The following GLIPR1L2 variants were observed in gnomAD, a reference collection of about 807,000 sequenced individuals.
The protein encoded by GLIPR1L2 is GLIPR1-like protein 2.
Under a neutral mutation model 28.4 loss-of-function variants are expected in GLIPR1L2, and 21 were observed. The ratio of observed to expected loss-of-function variants is 0.74; its 90% CI spans 0.52 to 1.06. GLIPR1L2 has a LOEUF of 1.06. Among genes scored for constraint, GLIPR1L2 ranks in the 50% least tolerant of loss-of-function variants. GLIPR1L2 has a pLI of 0.00. For missense variants in GLIPR1L2, 476 were observed against 416.9 expected (o/e 1.14, Z -1.23); for synonymous variants, 145 against 139.3 (o/e 1.04, Z -0.29).
At chr12:75,403,432 T>A (rs528093160) in intron 1 of GLIPR1L2, among the ~76,000 whole-genome samples, 24 of 152,184 alleles carry the variant, frequency 1.6e-4, no homozygotes, top group Admixed American at 3.3e-4. Flanking sequence ...TGGCTTCTTA[T>A]AAGGTCTCCT....
At chr12:75,393,381 CAAAT>C (rs2045651274) in intron 1 of GLIPR1L2, among the ~76,000 whole-genome samples, 1 of 152,022 alleles carries the variant, frequency 6.6e-6, no homozygotes, top group Non-Finnish European at 1.5e-5. Flanking sequence ...CCATACCCAT[CAAAT>C]AATTACTTTA....
intron 3 of GLIPR1L2, among the ~76,000 whole-genome samples, chr12:75,416,651 A>T (rs918514768): frequency 6.6e-6 from 1 of 152,118 alleles, no homozygotes; most frequent in Non-Finnish European, 1.5e-5. Context: ...ATTAGATGAG[A>T]TGAAGGTATT....
At chr12:75,415,926 G>T (rs1302629095) in intron 3 of GLIPR1L2, among the ~76,000 whole-genome samples, 2 of 151,744 alleles carry the variant, frequency 1.3e-5, no homozygotes, top group African/African-American at 2.4e-5. Context: ...AAGGTCAGTG[G>T]TGCCTTATAA....
At chr12:75,398,483 T>A (rs950410509) in intron 1 of GLIPR1L2, among the ~76,000 whole-genome samples, 2 of 152,138 alleles carry the variant, frequency 1.3e-5, no homozygotes, top group African/African-American at 4.8e-5. Flanking sequence ...TATTAGAAGA[T>A]TGTGTCTTAG....
chr12:75,403,041 G>A, intron 1 of GLIPR1L2: 1 of 457,146 alleles, frequency 2.2e-6, no homozygotes, highest in Non-Finnish European at 4.4e-6. Flanking sequence ...TGACTCCGAT[G>A]GTAGCAGATT....
At chr12:75,398,328 C>CAA (rs71078729) in intron 1 of GLIPR1L2, among the ~76,000 whole-genome samples, 143 of 87,294 alleles carry the variant, frequency 1.6e-3, no homozygotes, top group Middle Eastern at 6.1e-3. Context: ...GACTCCATCT[C>CAA]AAAAAAAAAA....
chr12:75,399,400 A>G (rs570167593), intron 1 of GLIPR1L2, among the ~76,000 whole-genome samples: 3 of 152,316 alleles, frequency 2.0e-5, no homozygotes, highest in Non-Finnish European at 2.9e-5. Context: ...CCATACATCA[A>G]TATAAATTCC....
At chr12:75,409,281 T>C (rs969725440) in intron 1 of GLIPR1L2, among the ~76,000 whole-genome samples, 1 of 152,048 alleles carries the variant, frequency 6.6e-6, no homozygotes, top group Admixed American at 6.6e-5. Flanking sequence ...AGATGTTTAC[T>C]TTCTGATACA....
chr12:75,422,902 A>G lies in GLIPR1L2; in HGVS notation c.585-2A>G. The G allele has an allele frequency of 1.9e-6, 3 of 1,597,334 alleles. No homozygotes were observed. The highest frequency in any genetic ancestry group is 1.7e-6 in the Non-Finnish European group (2 of 1,175,418). On this transcript the variant is annotated splice_acceptor_variant, in intron 3 of 5. Coordinates refer to ENST00000550916, the MANE Select transcript of GLIPR1L2 (RefSeq NM_001270396.2). LOFTEE classifies it high-confidence loss of function. ...AAATGTTTTCTGCTTTTTTGTTTGT[A>G]GAGGAACACTGACGAGAAGACCTTA...
intron 2 of GLIPR1L2, among the ~76,000 whole-genome samples, chr12:75,413,170 G>T (rs985356460): frequency 7.2e-6 from 1 of 138,432 alleles, no homozygotes; most frequent in East Asian, 2.1e-4. Flanking sequence ...ACAGGAAGGG[G>T]AACATCACAC....
intron 1 of GLIPR1L2, among the ~76,000 whole-genome samples, chr12:75,407,025 C>G (rs896073286): frequency 3.9e-5 from 6 of 152,074 alleles, no homozygotes; most frequent in African/African-American, 1.4e-4. Context: ...TTCATCCCCT[C>G]CCCTTGAGCT....
intron 2 of GLIPR1L2, among the ~76,000 whole-genome samples, chr12:75,412,442 A>G (rs9795602): frequency 0.88 from 133,038 of 151,882 alleles, 58,637 homozygotes; most frequent in East Asian, 0.99. Flanking sequence ...CACAACCTAC[A>G]CATCTGACAA....
In GLIPR1L2 at chr12:75,391,100, T is replaced by C. The variant is rs1371566072; in HGVS notation, c.-17T>C. 4 of 1,591,080 alleles carry C rather than the reference T, an allele frequency of 2.5e-6. No homozygotes were observed. The highest frequency in any genetic ancestry group is 3.4e-6 in the Non-Finnish European group (4 of 1,161,234). On this transcript the variant is annotated 5_prime_UTR_variant, in exon 1 of 6. Transcript: ENST00000550916. ...CGGCCAGCGCGTGCGCACTGGCCTG[T>C]CAGCGGCCGGTGGACCATGGAGGCC...
rs771090274 is a variant in GLIPR1L2 at position 75,391,161 on chromosome 12, C to T, written c.45C>T (p.Ser15=). 6 of 1,614,138 alleles carry T rather than the reference C, an allele frequency of 3.7e-6. No individual in the cohort carries two copies. The highest frequency in any genetic ancestry group is 5.1e-6 in the Non-Finnish European group (6 of 1,180,016). Residue 15 remains serine (S), a synonymous_variant, in exon 1 of 6, where the codon TCC becomes TCT. Transcript: ENST00000550916. ...RPFAREWRAQ[S]LPLAVGGVLK... is the part of the protein sequence containing the mutation. The stretch of plus-strand genomic sequence containing the variant: ...TCGCCCGGGAGTGGAGGGCCCAGTC[C>T]CTACCCCTGGCAGTAGGGGGCGTTT...
At chr12:75,413,776 AT>A (rs2045896812) in intron 3 of GLIPR1L2, 75 bp downstream of exon 3, 4 of 650,752 alleles carry the variant, frequency 6.1e-6, no homozygotes, top group East Asian at 3.2e-5. Context: ...CTTTTAATAT[AT>A]TTTTATAAGT....
intron 2 of GLIPR1L2, among the ~76,000 whole-genome samples, chr12:75,413,295 T>C (rs1200107319): frequency 6.6e-6 from 1 of 151,316 alleles, no homozygotes; most frequent in South Asian, 2.1e-4. Context: ...TGTATACATA[T>C]GTAACAAACC....
intron 3 of GLIPR1L2, among the ~76,000 whole-genome samples, chr12:75,422,296 T>C (rs375248541): frequency 1.4e-5 from 2 of 146,662 alleles, no homozygotes; most frequent in African/African-American, 5.0e-5. Flanking sequence ...CCACCCAGCC[T>C]ACATCATTCT....
intron 4 of GLIPR1L2, chr12:75,423,252 T>C (rs758423792): frequency 1.2e-5 from 16 of 1,286,156 alleles, no homozygotes; most frequent in African/African-American, 1.5e-5. Flanking sequence ...CTAACAGTTA[T>C]ACCCTTAAAA....
rs368593598 is a variant in GLIPR1L2 at position 75,391,126 on chromosome 12, G to A, written c.10G>A (p.Ala4Thr). The A allele has an allele frequency of 5.0e-6, 8 of 1,612,590 alleles. No homozygotes were observed. The highest frequency in any genetic ancestry group is 6.8e-6 in the Non-Finnish European group (8 of 1,179,190). Residue 4 changes from alanine (A) to threonine (T), a missense_variant, in exon 1 of 6, where the codon GCA becomes ACA. Transcript: ENST00000550916. ...CAGCGGCCGGTGGACCATGGAGGCC[G>A]CAAGGCCCTTCGCCCGGGAGTGGAG... The part of the protein sequence containing the change: MEA[A>T]RPFAREWRAQ...
Sources: gnomAD v4.1 joint callset for allele counts (sites outside exome capture counted in the v4.1 genomes callset) on GRCh38, gnomAD v4.1.1 for gene constraint, MANE v1.5 for transcripts, NCBI Gene and HGNC (gene_info 2026-07-23, HGNC 2026-07-21) for gene names.